Variants in UBE2R2 observed in about 807,000 individuals in gnomAD.
The protein encoded by UBE2R2 is ubiquitin conjugating enzyme E2 R2.
UBE2R2 carries 1 observed loss-of-function variant against 27.8 expected under a neutral mutation model. The ratio of observed to expected loss-of-function variants is 0.04; its 90% CI spans 0.01 to 0.17. UBE2R2 has a LOEUF of 0.17. Ranked by LOEUF, UBE2R2 falls within the 10% of genes least tolerant of loss-of-function variation. The probability of loss-of-function intolerance (pLI) is 1.00; values close to 1 mark genes in which losing one functional copy is unlikely to be tolerated. For missense variants in UBE2R2, 100 were observed against 291.0 expected, an observed-to-expected ratio of 0.34 and a Z score of 4.78; for synonymous variants, 106 against 113.3, an observed-to-expected ratio of 0.94 and a Z score of 0.41.
At chr9:33,837,023 G>A (rs890022031) in intron 1 of UBE2R2, among the ~76,000 whole-genome samples, 4 of 152,018 alleles carry the variant, frequency 2.6e-5, no homozygotes, top group African/African-American at 9.7e-5. Flanking sequence ...GACTCTGTGT[G>A]TCCCTGATTT....
chr9:33,850,360 A>G (rs1267595656), intron 1 of UBE2R2, among the ~76,000 whole-genome samples: 1 of 152,178 alleles, frequency 6.6e-6, no homozygotes, highest in African/African-American at 2.4e-5. Context: ...CAGCAACTGC[A>G]AAGAGGATCG....
In UBE2R2 at chr9:33,906,099, C is replaced by T. The variant is rs527407081; in HGVS notation, c.362+5828C>T. Among the ~76,000 whole-genome samples the T allele has an allele frequency of 1.2e-3, 168 of 144,992 alleles. 1 individual carries two copies. The highest frequency in any genetic ancestry group is 4.0e-3 in the African/African-American group (160 of 40,212). On this transcript the variant is annotated intron_variant, in intron 3 of 4. Transcript: ENST00000263228. ...CAGGTTTTGTTGTTGTTGTTGTCGT[C>T]GTCGTCGTTGTTGCTGTTGTTGTTG...
At chr9:33,836,476 C>T (rs970837421) in intron 1 of UBE2R2, among the ~76,000 whole-genome samples, 1 of 152,084 alleles carries the variant, frequency 6.6e-6, no homozygotes, top group Admixed American at 6.6e-5. Context: ...GAATATTTTG[C>T]TGGGCTTGGT....
intron 1 of UBE2R2, among the ~76,000 whole-genome samples, chr9:33,844,912 G>A (rs554667108): frequency 2.0e-5 from 3 of 151,898 alleles, no homozygotes; most frequent in Admixed American, 6.6e-5. Context: ...GATTACAGGC[G>A]TGTGCCACCA....
intron 1 of UBE2R2, among the ~76,000 whole-genome samples, chr9:33,834,925 C>CAAAAG (rs893258054): frequency 7.6e-5 from 7 of 92,296 alleles, no homozygotes; most frequent in Non-Finnish European, 1.3e-4. Context: ...AAAAAAAAAA[C>CAAAAG]AAAAGAAAAG....
chr9:33,834,005 G>A (rs551125999), intron 1 of UBE2R2, among the ~76,000 whole-genome samples: 3 of 152,010 alleles, frequency 2.0e-5, no homozygotes, highest in Non-Finnish European at 4.4e-5. Context: ...ATAACATTCC[G>A]TTGTTTGTAT....
chr9:33,864,097 G>A (rs1043862513), intron 1 of UBE2R2, among the ~76,000 whole-genome samples: 1 of 152,158 alleles, frequency 6.6e-6, no homozygotes, highest in Admixed American at 6.6e-5. Flanking sequence ...AAAGTGCTGG[G>A]ATTACAGGTA....
At chr9:33,858,298 G>T (rs900727614) in intron 1 of UBE2R2, among the ~76,000 whole-genome samples, 3 of 152,098 alleles carry the variant, frequency 2.0e-5, no homozygotes, top group Admixed American at 2.0e-4. Context: ...GACACCTTCT[G>T]TCCCGTCTTT....
chr9:33,910,011 A>G (rs986801561), intron 3 of UBE2R2, among the ~76,000 whole-genome samples: 1 of 152,132 alleles, frequency 6.6e-6, no homozygotes, highest in African/African-American at 2.4e-5. Context: ...CAACAACACA[A>G]TCTCTAACCT....
At position 33,817,481 on chromosome 9, in the gene UBE2R2, G is replaced by A; in HGVS notation, c.-277G>A. On this transcript the variant is annotated 5_prime_UTR_variant, in exon 1 of 5. Transcript: ENST00000263228. ...CTCCGGGGGGGGGAGGCCCGGGACCGGGACCCGTAGCGAATTCTCCTAACT... is the reference window on the plus strand; with the variant it reads ...CTCCGGGGGGGGGAGGCCCGGGACCAGGACCCGTAGCGAATTCTCCTAACT... The A allele has an allele frequency of 5.9e-6, 1 of 168,362 alleles. No individual in the cohort carries two copies. Among genetic ancestry groups the A allele is most frequent in the Non-Finnish European group, 1.2e-5 (1 of 80,706 alleles). The allele number at this position is 168,362 out of a possible 1,614,324, so 10.4% of individuals were successfully genotyped here. A position where few individuals can be genotyped will look rare whatever the true frequency, so the allele number is the denominator to read the frequency against.
At chr9:33,898,800 C>G (rs1822181740) in intron 2 of UBE2R2, among the ~76,000 whole-genome samples, 1 of 152,206 alleles carries the variant, frequency 6.6e-6, no homozygotes, top group South Asian at 2.1e-4. Flanking sequence ...ATAAATAAAT[C>G]TTACCTTCCA....
At chr9:33,847,120 C>CA (rs1224967434) in intron 1 of UBE2R2, among the ~76,000 whole-genome samples, 1 of 149,946 alleles carries the variant, frequency 6.7e-6, no homozygotes, top group Non-Finnish European at 1.5e-5. Context: ...TTATTTGAGA[C>CA]AGAGTATCAC....
At chr9:33,912,483 G>T (rs1162770008) in intron 4 of UBE2R2, among the ~76,000 whole-genome samples, 1 of 152,038 alleles carries the variant, frequency 6.6e-6, no homozygotes, top group Non-Finnish European at 1.5e-5. Flanking sequence ...AATTAGCCAG[G>T]TGTGGTGGTG....
intron 1 of UBE2R2, chr9:33,868,545 C>G (rs1821413572): frequency 6.6e-6 from 1 of 152,148 alleles, no homozygotes; most frequent in African/African-American, 2.4e-5. Context: ...TTTTAACCAC[C>G]CTTTTCTTGG....
At chr9:33,888,318 CAA>C (rs939727266) in intron 2 of UBE2R2, among the ~76,000 whole-genome samples, 2 of 151,326 alleles carry the variant, frequency 1.3e-5, no homozygotes, top group Non-Finnish European at 3.0e-5. Flanking sequence ...AAAAAACAAA[CAA>C]AAAAAAATTC....
At chr9:33,912,493 G>A (rs909923507) in intron 4 of UBE2R2, among the ~76,000 whole-genome samples, 4 of 151,834 alleles carry the variant, frequency 2.6e-5, no homozygotes, top group Non-Finnish European at 4.4e-5. Context: ...GTGTGGTGGT[G>A]CACACCTGTC....
chr9:33,896,944 GTTTT>G (rs1822119430), intron 2 of UBE2R2, among the ~76,000 whole-genome samples: 2 of 98,696 alleles, frequency 2.0e-5, no homozygotes, highest in African/African-American at 4.5e-5. Context: ...AGAAGGTTGT[GTTTT>G]TTGTGTTTTT....
intron 1 of UBE2R2, among the ~76,000 whole-genome samples, chr9:33,855,007 G>T (rs1335130812): frequency 1.7e-5 from 1 of 57,200 alleles, no homozygotes; most frequent in African/African-American, 8.6e-5. Context: ...TGATGGGCAT[G>T]ATAGTTAATT....
chr9:33,899,572 A>G (rs966111813), intron 2 of UBE2R2, among the ~76,000 whole-genome samples: 3 of 152,110 alleles, frequency 2.0e-5, no homozygotes, highest in African/African-American at 7.2e-5. Flanking sequence ...ACGGGGTTTC[A>G]CCATGTTGTT....
Sources: allele counts gnomAD v4.1 joint callset (sites outside exome capture counted in the v4.1 genomes callset), GRCh38; gene constraint gnomAD v4.1.1; transcripts MANE v1.5; gene names NCBI Gene and HGNC (gene_info 2026-07-23, HGNC 2026-07-21).